Variants in NAPRT observed in about 807,000 individuals in gnomAD.
NAPRT encodes nicotinate phosphoribosyltransferase.
A neutral mutation model predicts 60.7 loss-of-function variants in NAPRT; 66 were observed. The observed-to-expected ratio is 1.09, with a 90% CI of 0.89 to 1.33. The LOEUF (loss-of-function observed/expected upper bound fraction) is 1.33, where lower values mean the gene tolerates loss of function less well. Among genes scored for constraint, NAPRT ranks in the 40% most tolerant of loss-of-function variants. The pLI is 0.00. For missense variants in NAPRT, 818 were observed against 731.5 expected, an observed-to-expected ratio of 1.12 and a Z score of -1.36; for synonymous variants, 405 against 335.7, an observed-to-expected ratio of 1.21 and a Z score of -2.26.
rs945518537 is a variant in NAPRT at position 143,575,107 on chromosome 8, G to A, written c.1447-14C>T. ...CGGCTCACACAGCTGCAGGGAGGAG[G>A]TAAGGAAAGAGAAGCTTGGGGCTAG... is the stretch of plus-strand genomic sequence containing the variant. On this transcript the variant is annotated splice_polypyrimidine_tract_variant and intron_variant, in intron 11 of 12. Coordinates refer to ENST00000449291, the MANE Select transcript of NAPRT (RefSeq NM_145201.6). 9 of 1,538,794 alleles carry A rather than the reference G, an allele frequency of 5.8e-6. No individual in the cohort carries two copies. The highest frequency in any genetic ancestry group is 2.7e-5 in the African/African-American group (2 of 72,906).
Position 143,575,215 on chromosome 8 carries a change from C to T in NAPRT, c.1422G>A (p.Leu474=). ...CCTGTCCCTGCTGGAGGCAGAGCCG[C>T]AGTAGTGGCTCCACCTGGGCTGGCC... ...TVRPAQVEPL[L]RLCLQQGQLC... is the part of the protein sequence containing the mutation. Residue 474 remains leucine (L), a synonymous_variant, in exon 11 of 13, where the codon CTG becomes CTA. Coordinates refer to ENST00000449291, the MANE Select transcript of NAPRT (RefSeq NM_145201.6). 1 of 1,611,724 alleles carries T rather than the reference C, an allele frequency of 6.2e-7. No homozygotes were observed.
Position 143,575,654 on chromosome 8 carries a change from G to A in NAPRT, c.1156C>T (p.Pro386Ser), listed in dbSNP as rs751269568. The change falls in exon 9 of 13, where the codon CCC (proline) becomes TCC (serine). Residue 386 changes from proline to serine, a missense_variant. By Grantham distance (74) the Pro-to-Ser change is moderately conservative (BLOSUM62 -1). Transcript: ENST00000449291. The stretch of plus-strand genomic sequence containing the variant: ...ACGCCACCCAGGGAAGGCTGTTGGG[G>A]GCAGGTGACCACACTGGTGCCAATG... ...IGIGTSVVTC[P>S]QQPSLGGVYK... The A allele has an allele frequency of 5.9e-5, 94 of 1,596,036 alleles. 2 individuals are homozygous for A. The South Asian group carries it at 1.0e-3, about 17-fold the overall frequency.
rs372583646 is a variant in NAPRT at position 143,576,571 on chromosome 8, T to C, written c.883A>G (p.Ser295Gly). Reference protein sequence around the residue: ...GLLDTYSVWRSGLPNFLAVAL... With the variant: ...GLLDTYSVWRGGLPNFLAVAL... ...ACTGCTAGGAAGTTGGGGAGACCAC[T>C]CCTGCAGAAATAGATAAGGGAGTCA... The change falls in exon 7 of 13, where the codon AGT (serine) becomes GGT (glycine). Residue 295 changes from serine to glycine, a missense_variant and splice_region_variant. Physicochemically the swap from Ser to Gly is moderately conservative, Grantham distance 56. Coordinates refer to ENST00000449291, the MANE Select transcript of NAPRT (RefSeq NM_145201.6). The C allele has an allele frequency of 3.1e-6, 5 of 1,610,662 alleles. No homozygotes were observed. Among genetic ancestry groups the C allele is most frequent in the South Asian group, 1.1e-5 (1 of 90,834 alleles).
At chr8:143,578,020 C>G in intron 1 of NAPRT, 73 bp downstream of exon 1, 1 of 1,525,304 alleles carries the variant, frequency 6.6e-7, no homozygotes, top group Non-Finnish European at 8.8e-7. Context: ...CACGGGGGGA[C>G]AAGGACTTCC....
At chr8:143,576,390 G>C (rs748142669) in intron 7 of NAPRT, 42 bp downstream of exon 7, 1 of 1,573,098 alleles carries the variant, frequency 6.4e-7, no homozygotes, top group South Asian at 1.2e-5. Context: ...CCCAAACCCC[G>C]GGGATCTCCC....
In NAPRT at chr8:143,578,227, C is replaced by T. The variant is rs1563937160; in HGVS notation, c.92G>A (p.Arg31His). The T allele has an allele frequency of 1.3e-6, 2 of 1,501,638 alleles. No individual in the cohort carries two copies. Among genetic ancestry groups the T allele is most frequent in the Non-Finnish European group, 1.8e-6 (2 of 1,130,476 alleles). The allele number at this position is 1,501,638 out of a possible 1,614,324, so 93.0% of individuals were successfully genotyped here. A position where few individuals can be genotyped will look rare whatever the true frequency, so the allele number is the denominator to read the frequency against. The change falls in exon 1 of 13, where the codon CGC (arginine) becomes CAC (histidine). Residue 31 changes from arginine (R) to histidine (H), a missense_variant. Transcript: ENST00000449291. Reference protein sequence around the residue: ...YQATMALGYWRAGRARDAAEF... With the variant: ...YQATMALGYWHAGRARDAAEF... ...GGCGGCGTCCCGCGCCCGGCCCGCG[C>T]GCCAATAGCCCAACGCCATGGTGGC...
chr8:143,577,873 G>A lies in NAPRT; in HGVS notation c.297C>T (p.Leu99=), dbSNP rs780089616. ...DPAFFEHLRA[L]DCSEVTVRAL... Reference sequence around the variant, plus strand: ...CTCGCACCGTCACCTCGGAGCAGTCGAGGGCCCGAAGGTGCTCGAAGAACG... The same window carrying A: ...CTCGCACCGTCACCTCGGAGCAGTCAAGGGCCCGAAGGTGCTCGAAGAACG... Residue 99 remains leucine, a synonymous_variant, in exon 2 of 13, where the codon CTC becomes CTT. Transcript: ENST00000449291. The A allele has an allele frequency of 5.0e-6, 8 of 1,612,142 alleles. No individual in the cohort carries two copies. In the South Asian group the frequency reaches 5.5e-5, roughly 11 times the overall value.
chr8:143,577,977 G>T (rs1165530253), intron 1 of NAPRT, 34 bp from the exon 2 acceptor site: 1 of 1,593,170 alleles, frequency 6.3e-7, no homozygotes, highest in South Asian at 1.1e-5. Flanking sequence ...AGACCAGCGC[G>T]GGGACAGACC....
chr8:143,575,330 T>G lies in NAPRT; in HGVS notation c.1307A>C (p.Asp436Ala), dbSNP rs147123886. ...TGGCTCTTCTGCTAACTGCAGCATGTCCATGAGTGGAGACCCTGTGTGGAC... is the reference window on the plus strand; with the variant it reads ...TGGCTCTTCTGCTAACTGCAGCATGGCCATGAGTGGAGACCCTGTGTGGAC... ...LLGSDGSPLM[D>A]MLQLAEEPVP... Residue 436 changes from aspartate to alanine, a missense_variant, in exon 11 of 13, where the codon GAC (aspartate) becomes GCC (alanine). Coordinates refer to ENST00000449291, the MANE Select transcript of NAPRT (RefSeq NM_145201.6). 1.4e-4 allele frequency: 218 copies of G among 1,612,554 alleles called. 1 individual carries two copies. The highest frequency in any genetic ancestry group is 9.0e-5 in the Non-Finnish European group (106 of 1,179,722).
chr8:143,577,064 G>A lies in NAPRT; in HGVS notation c.682C>T (p.Pro228Ser). The A allele has an allele frequency of 6.2e-7, 1 of 1,612,634 alleles. No individual in the cohort carries two copies. The highest frequency in any genetic ancestry group is 8.5e-7 in the Non-Finnish European group (1 of 1,179,636). Residue 228 changes from proline to serine, a missense_variant and splice_region_variant, in exon 5 of 13, where the codon CCG becomes TCG. Physicochemically the swap from Pro to Ser is moderately conservative, Grantham distance 74. Coordinates refer to ENST00000449291, the MANE Select transcript of NAPRT (RefSeq NM_145201.6). ...CAGGGTTTAGAGGAGGGACTGACCGGGTCAGGGGGCACCTCGCTGCCTGAA... is the reference window on the plus strand; with the variant it reads ...CAGGGTTTAGAGGAGGGACTGACCGAGTCAGGGGGCACCTCGCTGCCTGAA... The part of the protein sequence containing the change: ...SFSGSEVPPD[P>S]MLAPAAGEGP...
In NAPRT at chr8:143,577,211, G is replaced by A. The variant is rs373706994; in HGVS notation, c.569-34C>T. ...GAAGGCGGTGGGATTGGGGGACCTC[G>A]GGCCAAGATGGGGCTCCTCCTTCCC... is the stretch of plus-strand genomic sequence containing the variant. On this transcript the variant is annotated intron_variant, in intron 4 of 12. Coordinates refer to ENST00000449291, the MANE Select transcript of NAPRT (RefSeq NM_145201.6). 39 of 1,604,796 alleles carry A rather than the reference G, an allele frequency of 2.4e-5. No homozygotes were observed. In the African/African-American group the frequency reaches 3.2e-4, roughly 13 times the overall value.
chr8:143,577,887 G>T lies in NAPRT; in HGVS notation c.283C>A (p.His95Asn). 2 of 1,612,374 alleles carry T rather than the reference G, an allele frequency of 1.2e-6. No individual in the cohort carries two copies. The highest frequency in any genetic ancestry group is 1.7e-6 in the Non-Finnish European group (2 of 1,179,774). Residue 95 changes from histidine (H) to asparagine (N), a missense_variant, in exon 2 of 13, where the codon CAC (histidine) becomes AAC (asparagine). Transcript: ENST00000449291. ...PPDTDPAFFE[H>N]LRALDCSEVT... is the part of the protein sequence containing the mutation. ...TCGGAGCAGTCGAGGGCCCGAAGGT[G>T]CTCGAAGAACGCAGGATCCGTGTCT...
At chr8:143,575,835 A>T in intron 8 of NAPRT, 133 bp from the exon 9 acceptor site, 1 of 334,380 alleles carries the variant, frequency 3.0e-6, no homozygotes, top group Non-Finnish European at 4.6e-6. Flanking sequence ...GTGGGGAAGG[A>T]GGTGCCAGTG....
chr8:143,577,038 G>A, intron 5 of NAPRT, 24 bp downstream of exon 5: 1 of 1,602,396 alleles, frequency 6.2e-7, no homozygotes, highest in South Asian at 1.1e-5. Flanking sequence ...CCTGGAGACA[G>A]CAGGGTTTAG....
intron 8 of NAPRT, 38 bp downstream of exon 8, chr8:143,576,040 C>T (rs772082820): frequency 6.6e-7 from 1 of 1,517,490 alleles, no homozygotes. Flanking sequence ...CCCCAGAGCC[C>T]CCCAGCCACC....
At chr8:143,574,731 G>C, downstream of NAPRT, 1 of 1,361,570 alleles carries the variant, frequency 7.3e-7, no homozygotes. Flanking sequence ...CGCAGCCCGG[G>C]AGGCGCAGCC....
At chr8:143,575,825 G>A (rs1369066347) in intron 8 of NAPRT, 123 bp from the exon 9 acceptor site, 1 of 472,566 alleles carries the variant, frequency 2.1e-6, no homozygotes, top group East Asian at 6.1e-5. Context: ...AGTGCCCTGG[G>A]TGGGGAAGGA....
rs145565666 is a variant in NAPRT at position 143,577,828 on chromosome 8, G to T, written c.342C>A (p.Leu114=). 5,134 of 1,609,636 alleles carry T rather than the reference G, an allele frequency of 3.2e-3. 17 individuals carry two copies. The highest frequency in any genetic ancestry group is 3.7e-3 in the Non-Finnish European group (4,316 of 1,178,892). The change falls in exon 2 of 13, where the codon CTC becomes CTA. Residue 114 remains leucine (L), a synonymous_variant. Coordinates refer to ENST00000449291, the MANE Select transcript of NAPRT (RefSeq NM_145201.6). ...VTVRALPEGS[L]AFPGVPLLQV... ...TACCCCTACTCACTCCGGGGAAGGCGAGGGAGCCCTCGGGCAGGGCTCGCA... is the reference window on the plus strand; with the variant it reads ...TACCCCTACTCACTCCGGGGAAGGCTAGGGAGCCCTCGGGCAGGGCTCGCA...
In NAPRT at chr8:143,577,871, T is replaced by C. The variant is rs1332860845; in HGVS notation, c.299A>G (p.Asp100Gly). Residue 100 changes from aspartate (D) to glycine (G), a missense_variant, in exon 2 of 13, where the codon GAC (aspartate) becomes GGC (glycine). Physicochemically the swap from Asp to Gly is moderately conservative, Grantham distance 94. Transcript: ENST00000449291. ...GGCTCGCACCGTCACCTCGGAGCAG[T>C]CGAGGGCCCGAAGGTGCTCGAAGAA... ...PAFFEHLRAL[D>G]CSEVTVRALP... 1 of 1,611,666 alleles carries C rather than the reference T, an allele frequency of 6.2e-7. No homozygotes were observed. The highest frequency in any genetic ancestry group is 8.5e-7 in the Non-Finnish European group (1 of 1,179,638).
Sources: allele counts gnomAD v4.1 joint callset, GRCh38; gene constraint gnomAD v4.1.1; transcripts MANE v1.5; gene names NCBI Gene and HGNC (gene_info 2026-07-23, HGNC 2026-07-21).